The following NME7 variants were observed in gnomAD, a reference collection of about 807,000 sequenced individuals.
NME7 encodes the protein NME/NM23 family member 7.
NME7 carries 41 observed loss-of-function variants against 49.1 expected under a neutral mutation model. The ratio of observed to expected loss-of-function variants is 0.83; its 90% CI spans 0.65 to 1.08. The LOEUF (loss-of-function observed/expected upper bound fraction) is 1.08, where lower values mean the gene tolerates loss of function less well. Ranked by LOEUF, NME7 falls within the 50% of genes least tolerant of loss-of-function variation. The pLI is 0.00. For synonymous variants in NME7, 139 were observed against 150.6 expected (o/e 0.92, Z 0.56); for missense variants, 423 against 463.4 (o/e 0.91, Z 0.80).
chr1:169,230,857 C>G (rs1250694126), intron 9 of NME7, 38 bp from the exon 10 acceptor site: 5 of 1,346,220 alleles, frequency 3.7e-6, no homozygotes, highest in South Asian at 2.9e-5. Flanking sequence ...AAGAATTTAA[C>G]AATTTTTAAC....
intron 1 of NME7, among the ~76,000 whole-genome samples, chr1:169,359,052 C>G (rs1653559341): frequency 6.6e-6 from 1 of 152,034 alleles, no homozygotes; most frequent in African/African-American, 2.4e-5. Context: ...AGAGCTGTCC[C>G]TCAGTATTTG....
chr1:169,325,738 G>T (rs929133), intron 1 of NME7, among the ~76,000 whole-genome samples: 63,963 of 151,872 alleles, frequency 0.42, 14,275 homozygotes, highest in East Asian at 0.69. Flanking sequence ...TGTGTCTAAT[G>T]ATGTTTATAA....
intron 11 of NME7, among the ~76,000 whole-genome samples, chr1:169,151,072 C>T (rs1310605125): frequency 6.6e-6 from 1 of 152,150 alleles, no homozygotes; most frequent in Non-Finnish European, 1.5e-5. Context: ...AGGGATGGGC[C>T]CTTAGACTAA....
chr1:169,353,833 A>C (rs1159690075), intron 1 of NME7, among the ~76,000 whole-genome samples: 1 of 152,152 alleles, frequency 6.6e-6, no homozygotes, highest in African/African-American at 2.4e-5. Context: ...GAAAAATGCA[A>C]ATCAAAACTA....
At chr1:169,278,673 T>TTCC (rs1649858323) in intron 7 of NME7, among the ~76,000 whole-genome samples, 1 of 152,228 alleles carries the variant, frequency 6.6e-6, no homozygotes, top group Admixed American at 6.5e-5. Context: ...ATGTGAAGCC[T>TTCC]TCTCTCAACT....
intron 11 of NME7, among the ~76,000 whole-genome samples, chr1:169,140,081 T>G (rs993718460): frequency 1.3e-5 from 2 of 152,140 alleles, no homozygotes; most frequent in Admixed American, 6.5e-5. Context: ...TATTGAGAGA[T>G]AAAGGGGAAT....
At chr1:169,329,806 TAGAGAA>T (rs1652190495) in intron 1 of NME7, among the ~76,000 whole-genome samples, 1 of 152,042 alleles carries the variant, frequency 6.6e-6, no homozygotes, top group African/African-American at 2.4e-5. Flanking sequence ...TTCCCAAACC[TAGAGAA>T]AGATATCAAT....
intron 1 of NME7, among the ~76,000 whole-genome samples, chr1:169,364,026 T>A (rs889142308): frequency 2.0e-5 from 3 of 152,240 alleles, no homozygotes; most frequent in African/African-American, 7.2e-5. Context: ...TCTATTCCAT[T>A]TTCTTCATGA....
At chr1:169,167,775 T>A (rs1413957017) in intron 11 of NME7, among the ~76,000 whole-genome samples, 2 of 152,216 alleles carry the variant, frequency 1.3e-5, no homozygotes, top group Admixed American at 6.5e-5. Flanking sequence ...AATACCAGCC[T>A]ATTGGAGTTG....
At chr1:169,217,308 A>T (rs1032428644) in intron 10 of NME7, among the ~76,000 whole-genome samples, 9 of 152,206 alleles carry the variant, frequency 5.9e-5, no homozygotes, top group Non-Finnish European at 2.9e-5. Context: ...GTGGCTATTA[A>T]GCATTTGATA....
intron 10 of NME7, among the ~76,000 whole-genome samples, chr1:169,208,473 T>C (rs1165096027): frequency 6.6e-6 from 1 of 152,130 alleles, no homozygotes; most frequent in Non-Finnish European, 1.5e-5. Flanking sequence ...TTAGAAGCCT[T>C]TTGAAGTAAG....
intron 3 of NME7, among the ~76,000 whole-genome samples, chr1:169,315,659 A>G (rs1651594422): frequency 6.6e-6 from 1 of 152,222 alleles, no homozygotes; most frequent in South Asian, 2.1e-4. Flanking sequence ...AAAATCATGA[A>G]GAATATGTCC....
intron 1 of NME7, among the ~76,000 whole-genome samples, chr1:169,339,458 T>C (rs1317274062): frequency 6.6e-6 from 1 of 152,188 alleles, no homozygotes; most frequent in Non-Finnish European, 1.5e-5. Context: ...TTTAAGCAAT[T>C]ATAAACTACT....
intron 7 of NME7, among the ~76,000 whole-genome samples, chr1:169,282,260 C>T (rs745876959): frequency 1.4e-4 from 21 of 152,006 alleles, no homozygotes; most frequent in East Asian, 3.8e-4. Flanking sequence ...TATTCTCTGA[C>T]GGTAGTTTGT....
chr1:169,190,493 G>A, intron 10 of NME7: 1 of 260,808 alleles, frequency 3.8e-6, no homozygotes, highest in South Asian at 3.6e-5. Context: ...TAGTCTATTA[G>A]GTCTTGACTC....
intron 11 of NME7, among the ~76,000 whole-genome samples, chr1:169,162,796 G>A (rs1003221574): frequency 1.3e-5 from 2 of 152,086 alleles, no homozygotes; most frequent in Non-Finnish European, 2.9e-5. Flanking sequence ...CCATGATCAC[G>A]ACATTGCAAT....
At chr1:169,320,644 GGAA>G (rs1359789553) in intron 3 of NME7, among the ~76,000 whole-genome samples, 2 of 152,082 alleles carry the variant, frequency 1.3e-5, no homozygotes, top group Non-Finnish European at 2.9e-5. Context: ...TCTTCGGTTT[GGAA>G]GAAGTTTATT....
At chr1:169,134,181 A>G (rs1658351489) in intron 11 of NME7, among the ~76,000 whole-genome samples, 1 of 152,254 alleles carries the variant, frequency 6.6e-6, no homozygotes, top group African/African-American at 2.4e-5. Flanking sequence ...GCATTCTTCT[A>G]ACAGCTAGTG....
At chr1:169,205,506 A>G (rs1173588810) in intron 10 of NME7, among the ~76,000 whole-genome samples, 1 of 152,142 alleles carries the variant, frequency 6.6e-6, no homozygotes, top group Non-Finnish European at 1.5e-5. Flanking sequence ...ATATTCTAAG[A>G]AGTTTGCCCA....
Sources: allele counts gnomAD v4.1 joint callset (sites outside exome capture counted in the v4.1 genomes callset), GRCh38; gene constraint gnomAD v4.1.1; transcripts MANE v1.5; gene names NCBI Gene and HGNC (gene_info 2026-07-23, HGNC 2026-07-21).